The following VAV3 variants were observed in gnomAD, a reference collection of about 807,000 sequenced individuals.
VAV3 encodes guanine nucleotide exchange factor VAV3.
In VAV3, 94 loss-of-function variants were observed where a neutral mutation model predicts 131.2. That is an observed-to-expected ratio of 0.72 (90% CI 0.61 to 0.85). VAV3 has a LOEUF of 0.85. VAV3 is among the 40% of genes least tolerant of loss of function. VAV3 has a pLI of 0.00. For synonymous variants in VAV3, 349 were observed against 342.0 expected, an observed-to-expected ratio of 1.02 and a Z score of -0.22; for missense variants, 939 against 1,002.7, an observed-to-expected ratio of 0.94 and a Z score of 0.86.
intron 15 of VAV3, among the ~76,000 whole-genome samples, chr1:107,727,292 T>C (rs1471277570): frequency 6.6e-6 from 1 of 152,240 alleles, no homozygotes; most frequent in African/African-American, 2.4e-5. Flanking sequence ...TAAGCTCCAC[T>C]AAAATGTCTT....
intron 1 of VAV3, among the ~76,000 whole-genome samples, chr1:107,961,906 CAG>C (rs1329755670): frequency 5.9e-5 from 9 of 152,154 alleles, no homozygotes; most frequent in African/African-American, 2.2e-4. Flanking sequence ...AGAAGGCTAA[CAG>C]AGAATAGAAA....
At chr1:107,836,052 C>T (rs1360659048) in intron 2 of VAV3, among the ~76,000 whole-genome samples, 1 of 152,120 alleles carries the variant, frequency 6.6e-6, no homozygotes, top group Non-Finnish European at 1.5e-5. Flanking sequence ...TTTTAGAGAC[C>T]CACGAAAAGA....
intron 2 of VAV3, among the ~76,000 whole-genome samples, chr1:107,804,160 G>A (rs575078739): frequency 6.6e-6 from 1 of 152,170 alleles, no homozygotes; most frequent in Non-Finnish European, 1.5e-5. Flanking sequence ...CTTCTAGGAA[G>A]CATATAGTTA....
In VAV3 at chr1:107,863,078, G is replaced by T. The variant is rs145684748; in HGVS notation, c.321+11823C>A. On this transcript the variant is annotated intron_variant, in intron 2 of 26. Coordinates refer to ENST00000370056, the MANE Select transcript of VAV3 (RefSeq NM_006113.5). ...GTTGTAAAATATACATAAATTAAGG[G>T]TAAATGCCATTAGAATTCTCCTACA... is the stretch of plus-strand genomic sequence containing the variant. Among the ~76,000 whole-genome samples, 349 of 152,178 alleles carry T rather than the reference G, an allele frequency of 2.3e-3. 2 individuals carry two copies. The highest frequency in any genetic ancestry group is 0.01 in the Middle Eastern group (3 of 294).
At chr1:107,587,103 T>C (rs1650561652) in intron 25 of VAV3, among the ~76,000 whole-genome samples, 3 of 152,126 alleles carry the variant, frequency 2.0e-5, no homozygotes, top group Non-Finnish European at 4.4e-5. Flanking sequence ...TCCTACCTAT[T>C]GTTTAGATGT....
chr1:107,827,504 AATTG>A (rs1446878179), intron 2 of VAV3, among the ~76,000 whole-genome samples: 5 of 152,188 alleles, frequency 3.3e-5, no homozygotes, highest in African/African-American at 9.6e-5. Flanking sequence ...AGTGATTAAC[AATTG>A]ATTGATACAA....
intron 20 of VAV3, among the ~76,000 whole-genome samples, chr1:107,640,207 T>C (rs72703590): frequency 0.038 from 5,767 of 152,290 alleles, 129 homozygotes; most frequent in East Asian, 0.066. Context: ...CAAAAACTAG[T>C]GGCAACCTGA....
At chr1:107,949,981 G>T (rs980808534) in intron 1 of VAV3, among the ~76,000 whole-genome samples, 11 of 152,142 alleles carry the variant, frequency 7.2e-5, no homozygotes, top group Non-Finnish European at 1.6e-4. Context: ...CTGAAAACAG[G>T]CTTGCAAAAA....
intron 20 of VAV3, among the ~76,000 whole-genome samples, chr1:107,625,771 A>G (rs1653970840): frequency 6.6e-6 from 1 of 152,208 alleles, no homozygotes; most frequent in Non-Finnish European, 1.5e-5. Context: ...TTGATAAATT[A>G]TTTGGCCACA....
intron 2 of VAV3, among the ~76,000 whole-genome samples, chr1:107,859,879 A>G (rs1669657023): frequency 6.6e-6 from 1 of 152,224 alleles, no homozygotes; most frequent in Admixed American, 6.5e-5. Flanking sequence ...AAAACTAGTA[A>G]AATTTGATAT....
At chr1:107,621,528 G>C (rs1653604461) in intron 20 of VAV3, among the ~76,000 whole-genome samples, 2 of 152,006 alleles carry the variant, frequency 1.3e-5, no homozygotes, top group Admixed American at 1.3e-4. Context: ...TGAAATTGCA[G>C]ACTGTAACTA....
chr1:107,699,979 G>A (rs1659997897), intron 17 of VAV3, among the ~76,000 whole-genome samples: 2 of 152,170 alleles, frequency 1.3e-5, no homozygotes, highest in African/African-American at 4.8e-5. Flanking sequence ...CAAAGGTTAT[G>A]AGGCTGAGGA....
At chr1:107,655,651 G>A (rs1319397205) in intron 19 of VAV3, among the ~76,000 whole-genome samples, 2 of 152,020 alleles carry the variant, frequency 1.3e-5, no homozygotes, top group East Asian at 3.9e-4. Flanking sequence ...CTTCTGAAGA[G>A]CAAAGGAAAC....
intron 1 of VAV3, among the ~76,000 whole-genome samples, chr1:107,932,495 T>C (rs778183348): frequency 3.3e-5 from 5 of 152,198 alleles, no homozygotes; most frequent in Admixed American, 6.5e-5. Flanking sequence ...CACAGCTCCA[T>C]AGGGTCTATG....
chr1:107,742,823 A>G (rs939764364), intron 15 of VAV3, among the ~76,000 whole-genome samples: 1 of 152,198 alleles, frequency 6.6e-6, no homozygotes, highest in African/African-American at 2.4e-5. Flanking sequence ...GGCAGTAAAC[A>G]GGATGCTTGG....
intron 2 of VAV3, among the ~76,000 whole-genome samples, chr1:107,868,253 C>T (rs1166176603): frequency 6.6e-6 from 1 of 152,072 alleles, no homozygotes; most frequent in Non-Finnish European, 1.5e-5. Flanking sequence ...TTATGTCAAA[C>T]AAGTACCTAA....
intron 19 of VAV3, among the ~76,000 whole-genome samples, chr1:107,659,910 G>A (rs1363700330): frequency 6.6e-6 from 1 of 152,142 alleles, no homozygotes; most frequent in Non-Finnish European, 1.5e-5. Flanking sequence ...TCCGCACAAT[G>A]TTAATGAATA....
At chr1:107,659,442 T>C (rs1656838992) in intron 19 of VAV3, among the ~76,000 whole-genome samples, 1 of 152,186 alleles carries the variant, frequency 6.6e-6, no homozygotes, top group Admixed American at 6.5e-5. Context: ...ACGAATCCTA[T>C]AGACTTCAGC....
At chr1:107,682,546 G>A (rs1032922821) in intron 19 of VAV3, among the ~76,000 whole-genome samples, 9 of 151,892 alleles carry the variant, frequency 5.9e-5, no homozygotes, top group Admixed American at 2.7e-4. Flanking sequence ...ATTTAAACTA[G>A]TCTCAGGACA....
Sources: allele counts gnomAD v4.1 joint callset (sites outside exome capture counted in the v4.1 genomes callset), GRCh38; gene constraint gnomAD v4.1.1; transcripts MANE v1.5; gene names NCBI Gene and HGNC (gene_info 2026-07-23, HGNC 2026-07-21).